Variants in HGF observed in about 807,000 individuals in gnomAD.
HGF encodes hepatocyte growth factor.
In HGF, 39 loss-of-function variants were observed where a neutral mutation model predicts 111.6. The observed-to-expected ratio is 0.35, with a 90% CI of 0.27 to 0.46. The LOEUF (loss-of-function observed/expected upper bound fraction) is 0.46, where lower values mean the gene tolerates loss of function less well. HGF is among the 20% of genes least tolerant of loss of function. The pLI, the probability that HGF is intolerant of heterozygous loss-of-function variation, is 1.00. For synonymous variants in HGF, 285 were observed against 294.8 expected (o/e 0.97, Z 0.34); for missense variants, 735 against 910.5 (o/e 0.81, Z 2.48).
At chr7:81,726,286 A>G (rs1486784816) in intron 8 of HGF, among the ~76,000 whole-genome samples, 1 of 152,140 alleles carries the variant, frequency 6.6e-6, no homozygotes, top group Non-Finnish European at 1.5e-5. Context: ...TAAAAGAGAG[A>G]AACGGTACCG....
intron 10 of HGF, among the ~76,000 whole-genome samples, chr7:81,718,588 A>G (rs1789774920): frequency 6.6e-6 from 1 of 152,202 alleles, no homozygotes; most frequent in South Asian, 2.1e-4. Context: ...AGTCAAACCT[A>G]AACTTGATGA....
At chr7:81,727,210 GTT>G (rs5885247) in intron 8 of HGF, among the ~76,000 whole-genome samples, 133 of 142,962 alleles carry the variant, frequency 9.3e-4, no homozygotes, top group Non-Finnish European at 9.1e-4. Context: ...CCGGCTAATT[GTT>G]TTTTTTTTTT....
In HGF at chr7:81,766,406, G is replaced by C. The variant is rs547058891; in HGVS notation, c.88+3478C>G. Among the ~76,000 whole-genome samples the C allele has an allele frequency of 1.1e-4, 17 of 152,298 alleles. No individual in the cohort carries two copies. In the South Asian group the frequency reaches 3.5e-3, roughly 32 times the overall value. Reference sequence around the variant, plus strand: ...ATAATTAATGGAAGGGAATGGTTGAGACTGGAGATTGTAAACTCTCCAAAG... The same window carrying C: ...ATAATTAATGGAAGGGAATGGTTGACACTGGAGATTGTAAACTCTCCAAAG... On this transcript the variant is annotated intron_variant, in intron 1 of 17. Transcript: ENST00000222390.
At chr7:81,748,366 A>C (rs1788360955) in intron 5 of HGF, among the ~76,000 whole-genome samples, 1 of 152,220 alleles carries the variant, frequency 6.6e-6, no homozygotes, top group African/African-American at 2.4e-5. Context: ...TGGACACCTT[A>C]TCCAAAGTCA....
At chr7:81,756,382 T>G in intron 4 of HGF, 1 of 258,226 alleles carries the variant, frequency 3.9e-6, no homozygotes, top group South Asian at 1.2e-4. Context: ...AGAGCTGTTT[T>G]AAACTACTTT....
Position 81,744,248 on chromosome 7 carries a change from CT to C in HGF, c.746+751del, listed in dbSNP as rs5745669. 1.6e-3 allele frequency among the ~76,000 whole-genome samples: 244 copies of C among 150,494 alleles called. 1 individual carries two copies. The highest frequency in any genetic ancestry group is 5.3e-3 in the African/African-American group (219 of 41,078). ...ATAATCAAAATAAATGAACTTCTTC[CT>C]TTTTTTTCCACCTTAAAAGTTTCAT... On this transcript the variant is annotated intron_variant, in intron 6 of 17. Coordinates refer to ENST00000222390, the MANE Select transcript of HGF (RefSeq NM_000601.6).
At chr7:81,737,266 C>G (rs900179207) in intron 7 of HGF, among the ~76,000 whole-genome samples, 3 of 151,934 alleles carry the variant, frequency 2.0e-5, no homozygotes, top group Non-Finnish European at 4.4e-5. Flanking sequence ...CTCCCCTTTA[C>G]AGGATTCATG....
chr7:81,707,362 T>C lies in HGF; in HGVS notation c.1544A>G (p.Asn515Ser). 1 of 1,584,714 alleles carries C rather than the reference T, an allele frequency of 6.3e-7. No homozygotes were observed. Among genetic ancestry groups the C allele is most frequent in the Non-Finnish European group, 8.7e-7 (1 of 1,153,942 alleles). The part of the protein sequence containing the change: ...IGWMVSLRYR[N>S]KHICGGSLIK... ...CAATGATCCTCCGCAGATATGTTTA[T>C]TTCTGTGAAAAAGAGGAAAGAGAAA... is the stretch of plus-strand genomic sequence containing the variant. The change falls in exon 14 of 18, where the codon AAT (asparagine) becomes AGT (serine). Residue 515 changes from asparagine (N) to serine (S), a missense_variant and splice_region_variant. Asn to Ser is a conservative substitution (Grantham distance 46, BLOSUM62 1). This residue lies in a region of HGF where 553 missense variants were observed against 685.6 expected (regional missense o/e 0.81). Transcript: ENST00000222390.
At chr7:81,751,479 T>C in intron 5 of HGF, 1 of 912,840 alleles carries the variant, frequency 1.1e-6, no homozygotes, top group Non-Finnish European at 1.2e-6. Flanking sequence ...GCTGAAAACA[T>C]AGACATGGAC....
intron 11 of HGF, among the ~76,000 whole-genome samples, chr7:81,716,557 A>G (rs528402095): frequency 6.6e-6 from 1 of 151,850 alleles, no homozygotes; most frequent in South Asian, 2.1e-4. Flanking sequence ...ATTTTTGAAG[A>G]TTTATTTTCT....
chr7:81,740,557 G>A (rs997164603), intron 7 of HGF, among the ~76,000 whole-genome samples: 4 of 152,172 alleles, frequency 2.6e-5, no homozygotes, highest in Non-Finnish European at 4.4e-5. Flanking sequence ...TTGACTATAA[G>A]TGAATTAAAA....
At position 81,769,884 on chromosome 7, in the gene HGF, C is replaced by A; in HGVS notation, c.88G>T (p.Glu30Ter). The change falls in exon 1 of 18, where the codon GAG (glutamate) becomes TAG (stop). Residue 30 changes from glutamate (E) to a stop codon, truncating the protein, a stop_gained and splice_region_variant. Transcript: ENST00000222390. LOFTEE classifies it high-confidence loss of function. Reference sequence around the variant, plus strand: ...AATGAAGAAGAAGAAGGGAACTAACCTGCATAGGGGATGGCGATGGGGAGC... The same window carrying A: ...AATGAAGAAGAAGAAGGGAACTAACATGCATAGGGGATGGCGATGGGGAGC... ...LLLPIAIPYAEGQRKRRNTIH... is the reference protein window; with the variant it reads ...LLLPIAIPYA 1 of 1,562,164 alleles carries A rather than the reference C, an allele frequency of 6.4e-7. No homozygotes were observed.
At chr7:81,715,820 G>A (rs1412577496) in intron 11 of HGF, among the ~76,000 whole-genome samples, 1 of 151,980 alleles carries the variant, frequency 6.6e-6, no homozygotes. Context: ...TCTCTTTTTA[G>A]AGTAGATATT....
chr7:81,756,619 G>A (rs1788781444), intron 4 of HGF: 1 of 160,066 alleles, frequency 6.2e-6, no homozygotes, highest in Non-Finnish European at 1.4e-5. Context: ...TGAAGCTTGA[G>A]CTTTTAGCAG....
At chr7:81,737,016 G>T (rs547927920) in intron 7 of HGF, among the ~76,000 whole-genome samples, 4 of 151,326 alleles carry the variant, frequency 2.6e-5, no homozygotes, top group Non-Finnish European at 5.9e-5. Context: ...CATTCTGAAG[G>T]CCATTCATGT....
At chr7:81,720,906 G>GA in intron 9 of HGF, 59 bp from the exon 10 acceptor site, 2 of 936,802 alleles carry the variant, frequency 2.1e-6, no homozygotes, top group Non-Finnish European at 3.5e-6. Flanking sequence ...AAAACAAAAA[G>GA]GTTTTTTACA....
Position 81,700,390 on chromosome 7 carries a change from T to C in HGF, c.*2191A>G, listed in dbSNP as rs1157587827. 1.3e-5 allele frequency: 2 copies of C among 151,670 alleles called. No individual in the cohort carries two copies. The highest frequency in any genetic ancestry group is 4.8e-5 in the African/African-American group (2 of 41,412). The allele number at this position is 151,670 out of a possible 1,614,324, so 9.4% of individuals were successfully genotyped here. A position where few individuals can be genotyped will look rare whatever the true frequency, so the allele number is the denominator to read the frequency against. On this transcript the variant is annotated 3_prime_UTR_variant, in exon 18 of 18. Coordinates refer to ENST00000222390, the MANE Select transcript of HGF (RefSeq NM_000601.6). ...TTTGTTTGATGATTTATTGGTGGTA[T>C]TGTTTTTAGCCTTTAATAAAATGAA...
chr7:81,751,352 G>A (rs1583990064), intron 5 of HGF: 1 of 985,042 alleles, frequency 1.0e-6, no homozygotes, highest in South Asian at 4.7e-5. Flanking sequence ...TCAGTAGCCA[G>A]ATAACTAAGA....
chr7:81,733,949 A>G (rs1451700680), intron 7 of HGF, among the ~76,000 whole-genome samples: 1 of 152,172 alleles, frequency 6.6e-6, no homozygotes, highest in African/African-American at 2.4e-5. Context: ...CAAATGTTTC[A>G]TGACAATTGA....
Sources: gnomAD v4.1 joint callset for allele counts (sites outside exome capture counted in the v4.1 genomes callset) on GRCh38, gnomAD v4.1.1 for gene constraint, gnomAD v4.1.1 regional missense constraint, MANE v1.5 for transcripts, NCBI Gene and HGNC (gene_info 2026-07-23, HGNC 2026-07-21) for gene names.